Variants in TIA1 observed in about 807,000 individuals in gnomAD.
TIA1 encodes TIA1 cytotoxic granule associated RNA binding protein.
A neutral mutation model predicts 65.9 loss-of-function variants in TIA1; 23 were observed. That is an observed-to-expected ratio of 0.35 (90% confidence interval 0.25 to 0.49). The LOEUF is 0.49. Among genes scored for constraint, TIA1 ranks in the 20% least tolerant of loss-of-function variants. The pLI is 0.98. For synonymous variants in TIA1, 147 were observed against 149.4 expected (o/e 0.98, Z 0.12); for missense variants, 371 against 477.9 (o/e 0.78, Z 2.09).
intron 1 of TIA1, among the ~76,000 whole-genome samples, chr2:70,247,386 A>C (rs1212398162): frequency 2.0e-5 from 3 of 152,254 alleles, no homozygotes; most frequent in Non-Finnish European, 4.4e-5. Context: ...TGCAAAGAGA[A>C]ACCTAAAATT....
chr2:70,236,304 T>C, intron 1 of TIA1, 129 bp from the exon 2 acceptor site: 1 of 554,650 alleles, frequency 1.8e-6, no homozygotes, highest in Non-Finnish European at 3.2e-6. Flanking sequence ...GTTCAAGTGA[T>C]TCCCCTGCCT....
At chr2:70,240,113 T>C (rs1346971066) in intron 1 of TIA1, among the ~76,000 whole-genome samples, 2 of 152,158 alleles carry the variant, frequency 1.3e-5, no homozygotes, top group African/African-American at 4.8e-5. Flanking sequence ...ACTTAATAAA[T>C]TGCAAAGGGA....
intron 2 of TIA1, among the ~76,000 whole-genome samples, chr2:70,235,568 G>GTGTA (rs1288512735): frequency 3.4e-4 from 51 of 152,018 alleles, no homozygotes; most frequent in African/African-American, 1.2e-3. Context: ...GTGTGTGTGT[G>GTGTA]TGTATGTGTG....
At chr2:70,215,525 A>G in intron 10 of TIA1, 31 bp from the exon 11 acceptor site, 3 of 1,570,142 alleles carry the variant, frequency 1.9e-6, no homozygotes, top group Non-Finnish European at 2.6e-6. Flanking sequence ...AATCACCAAT[A>G]CAAATTCTTT....
In TIA1 at chr2:70,241,391, G is replaced by A. The variant is rs557791942; in HGVS notation, c.27-5216C>T. ...CAGGAGGCAGAGGTTGCAGTGAGCC[G>A]AGATCATGCCACTGTACTCCAGCCT... On this transcript the variant is annotated intron_variant, in intron 1 of 12. Coordinates refer to ENST00000433529, the MANE Select transcript of TIA1 (RefSeq NM_022173.4). Among the ~76,000 whole-genome samples the A allele has an allele frequency of 1.0e-3, 157 of 151,772 alleles. 1 individual carries two copies. Among genetic ancestry groups the A allele is most frequent in the Non-Finnish European group, 7.4e-4 (50 of 67,910 alleles).
At chr2:70,247,372 G>A (rs188852458) in intron 1 of TIA1, among the ~76,000 whole-genome samples, 3 of 152,270 alleles carry the variant, frequency 2.0e-5, no homozygotes, top group Non-Finnish European at 2.9e-5. Context: ...CTTTATTAGA[G>A]AGCTGCAAAG....
chr2:70,221,799 T>A (rs538519690), intron 7 of TIA1, among the ~76,000 whole-genome samples: 17 of 79,936 alleles, frequency 2.1e-4, no homozygotes, highest in East Asian at 2.1e-3. Flanking sequence ...AAAAAAAAAA[T>A]TTTTTTTTTT....
At chr2:70,238,327 G>A (rs1314554714) in intron 1 of TIA1, among the ~76,000 whole-genome samples, 4 of 123,406 alleles carry the variant, frequency 3.2e-5, no homozygotes, top group African/African-American at 9.7e-5. Flanking sequence ...CTGGAGTGCA[G>A]TGGTGCGATC....
intron 1 of TIA1, among the ~76,000 whole-genome samples, chr2:70,247,819 C>T (rs560061154): frequency 1.3e-5 from 2 of 151,876 alleles, no homozygotes; most frequent in South Asian, 2.1e-4. Flanking sequence ...TCGGTGGGTG[C>T]TACAGAAGGA....
At position 70,214,644 on chromosome 2, in the gene TIA1, A is replaced by C. The variant is rs949622588; in HGVS notation, c.889-150T>G. On this transcript the variant is annotated intron_variant, in intron 11 of 12. Transcript: ENST00000433529. Reference sequence around the variant, plus strand: ...AAGAGTTGACTGCTAAAAAAAAAAAAAAAAAAAAAAAAAACAAAAAACAAC... The same window carrying C: ...AAGAGTTGACTGCTAAAAAAAAAAACAAAAAAAAAAAAAACAAAAAACAAC... The C allele has an allele frequency of 4.9e-4, 283 of 582,252 alleles. 6 individuals are homozygous for C. Among genetic ancestry groups the C allele is most frequent in the African/African-American group, 2.3e-3 (115 of 49,422 alleles). 36.1% of individuals were successfully genotyped at this position (582,252 alleles called of 1,614,324 possible).
chr2:70,243,348 G>A (rs956850818), intron 1 of TIA1, among the ~76,000 whole-genome samples: 3 of 152,142 alleles, frequency 2.0e-5, no homozygotes, highest in Non-Finnish European at 4.4e-5. Flanking sequence ...GATCCCTTGA[G>A]CCTGAGAGGT....
Position 70,235,020 on chromosome 2 carries a change from C to T in TIA1, c.123+1059G>A, listed in dbSNP as rs1688162395. 2.0e-5 allele frequency among the ~76,000 whole-genome samples: 3 copies of T among 152,192 alleles called. No homozygotes were observed. The South Asian group carries it at 6.2e-4, about 32-fold the overall frequency. The stretch of plus-strand genomic sequence containing the variant: ...TGGGTGCAATGGCTATACCAAGACC[C>T]TGTCTTTCAAGACAAACAAACAAAC... On this transcript the variant is annotated intron_variant, in intron 2 of 12. Coordinates refer to ENST00000433529, the MANE Select transcript of TIA1 (RefSeq NM_022173.4).
In TIA1 at chr2:70,229,280, T is replaced by A; in HGVS notation, c.261A>T (p.Gln87His). ...TATACTTACTGCTTGTATCTTTCTT[T>A]TGACTGCTAGGGGTTGTTGCCCAAT... is the stretch of plus-strand genomic sequence containing the variant. ...KVNWATTPSS[Q>H]KKDTSSSTVV... The change falls in exon 4 of 13, where the codon CAA becomes CAT. Residue 87 changes from glutamine to histidine, a missense_variant. Transcript: ENST00000433529. 6.2e-7 allele frequency: 1 copy of A among 1,613,854 alleles called. No individual in the cohort carries two copies. The highest frequency in any genetic ancestry group is 8.5e-7 in the Non-Finnish European group (1 of 1,179,950).
At chr2:70,242,757 T>G (rs1692467531) in intron 1 of TIA1, among the ~76,000 whole-genome samples, 1 of 152,126 alleles carries the variant, frequency 6.6e-6, no homozygotes, top group Non-Finnish European at 1.5e-5. Flanking sequence ...GCTTGAGCTC[T>G]GCCTCCTGTA....
chr2:70,239,387 C>T (rs929800532), intron 1 of TIA1, among the ~76,000 whole-genome samples: 1 of 152,080 alleles, frequency 6.6e-6, no homozygotes, highest in South Asian at 2.1e-4. Flanking sequence ...CCACTGCGCC[C>T]GGCCAATAAA....
At chr2:70,224,715 G>T in intron 6 of TIA1, 86 bp from the exon 7 acceptor site, 3 of 1,538,492 alleles carry the variant, frequency 1.9e-6, no homozygotes, top group Non-Finnish European at 2.6e-6. Flanking sequence ...TCATTCTCAT[G>T]TTTCACCTTC....
intron 2 of TIA1, among the ~76,000 whole-genome samples, chr2:70,231,837 T>C (rs1182865079): frequency 6.6e-6 from 1 of 152,232 alleles, no homozygotes; most frequent in Non-Finnish European, 1.5e-5. Flanking sequence ...CTCTGGTAAG[T>C]AAAATTTTAG....
chr2:70,235,570 G>GTGTGTGTGTGTA (rs1248025197), intron 2 of TIA1, among the ~76,000 whole-genome samples: 1 of 151,446 alleles, frequency 6.6e-6, no homozygotes, highest in African/African-American at 2.4e-5. Context: ...GTGTGTGTGT[G>GTGTGTGTGTGTA]TATGTGTGTG....
intron 1 of TIA1, among the ~76,000 whole-genome samples, chr2:70,238,496 A>G (rs1573721852): frequency 6.6e-6 from 1 of 151,586 alleles, no homozygotes; most frequent in Admixed American, 6.6e-5. Context: ...TGGTACCCCC[A>G]ATTTTTAAAT....
Sources: gnomAD v4.1 joint callset for allele counts (sites outside exome capture counted in the v4.1 genomes callset) on GRCh38, gnomAD v4.1.1 for gene constraint, MANE v1.5 for transcripts, NCBI Gene and HGNC (gene_info 2026-07-23, HGNC 2026-07-21) for gene names.